Variants in ABCG8 observed in about 807,000 individuals in gnomAD.
The protein encoded by ABCG8 is ATP-binding cassette sub-family G member 8.
Under a neutral mutation model 71.3 loss-of-function variants are expected in ABCG8, and 81 were observed. The ratio of observed to expected loss-of-function variants is 1.14; its 90% CI spans 0.95 to 1.37. The LOEUF is 1.37. Among genes scored for constraint, ABCG8 ranks in the 40% most tolerant of loss-of-function variants. The pLI is 0.00. For missense variants in ABCG8, 1,119 were observed against 866.2 expected (o/e 1.29, Z -3.66); for synonymous variants, 451 against 354.7 (o/e 1.27, Z -3.05).
chr2:43,873,494 T>G (rs1347465235), intron 8 of ABCG8, among the ~76,000 whole-genome samples: 1 of 152,118 alleles, frequency 6.6e-6, no homozygotes, highest in Non-Finnish European at 1.5e-5. Flanking sequence ...GCCCAGCCTG[T>G]CCGTACATCT....
chr2:43,855,059 C>T (rs1171244098), intron 6 of ABCG8, among the ~76,000 whole-genome samples: 1 of 152,220 alleles, frequency 6.6e-6, no homozygotes, highest in Non-Finnish European at 1.5e-5. Flanking sequence ...CTGCTTTCGG[C>T]AGGGTGCCTG....
intron 1 of ABCG8, 103 bp from the exon 2 acceptor site, chr2:43,844,404 G>A (rs148820164): frequency 5.0e-5 from 44 of 883,280 alleles, no homozygotes; most frequent in African/African-American, 4.3e-4. Flanking sequence ...ATTTAACCAC[G>A]TCGGCTCTAA....
At chr2:43,860,058 T>G (rs961669760) in intron 6 of ABCG8, among the ~76,000 whole-genome samples, 4 of 150,226 alleles carry the variant, frequency 2.7e-5, no homozygotes, top group African/African-American at 9.8e-5. Flanking sequence ...TCTCACTATC[T>G]ATCTGGATAG....
chr2:43,859,795 C>T (rs569120724), intron 6 of ABCG8, among the ~76,000 whole-genome samples: 1 of 151,112 alleles, frequency 6.6e-6, no homozygotes, highest in African/African-American at 2.4e-5. Flanking sequence ...ATAAAACTCT[C>T]ACTATCCGTC....
At chr2:43,854,534 C>A (rs4076833) in intron 6 of ABCG8, among the ~76,000 whole-genome samples, 1 of 146,996 alleles carries the variant, frequency 6.8e-6, no homozygotes, top group African/African-American at 2.5e-5. Flanking sequence ...GGCTGAGGCA[C>A]GAGAATTGCT....
Position 43,875,183 on chromosome 2 carries a change from T to C in ABCG8, c.1526T>C (p.Ile509Thr). ...CTTCCGGAGCACTGTGCCTACATCATCATCTACGGGATGCCCACCTACTGG... is the reference window on the plus strand; with the variant it reads ...CTTCCGGAGCACTGTGCCTACATCACCATCTACGGGATGCCCACCTACTGG... ...GELPEHCAYIIIYGMPTYWLA... is the reference protein window; with the variant it reads ...GELPEHCAYITIYGMPTYWLA... Residue 509 changes from isoleucine to threonine, a missense_variant, in exon 11 of 13, where the codon ATC (isoleucine) becomes ACC (threonine). Transcript: ENST00000272286. 2 of 1,614,230 alleles carry C rather than the reference T, an allele frequency of 1.2e-6. No individual in the cohort carries two copies. The highest frequency in any genetic ancestry group is 1.7e-6 in the Non-Finnish European group (2 of 1,180,044).
At position 43,878,013 on chromosome 2, in the gene ABCG8, C is replaced by G; in HGVS notation, c.*100C>G. On this transcript the variant is annotated 3_prime_UTR_variant, in exon 13 of 13. Coordinates refer to ENST00000272286, the MANE Select transcript of ABCG8 (RefSeq NM_022437.3). ...TTCCTGGGGACAGTGAGGACAATGA[C>G]CCTACAGATGCTCAGCTACATCCGG... is the stretch of plus-strand genomic sequence containing the variant. 6.4e-7 allele frequency: 1 copy of G among 1,555,562 alleles called. No homozygotes were observed. The highest frequency in any genetic ancestry group is 8.8e-7 in the Non-Finnish European group (1 of 1,137,670).
chr2:43,842,891 C>T lies in ABCG8; in HGVS notation c.64-1616C>T, dbSNP rs113938094. Among the ~76,000 whole-genome samples the T allele has an allele frequency of 5.3e-3, 802 of 152,302 alleles. 8 individuals carry two copies. The highest frequency in any genetic ancestry group is 0.017 in the African/African-American group (714 of 41,572). On this transcript the variant is annotated intron_variant, in intron 1 of 12. Transcript: ENST00000272286. ...CTCCCAGAACTCTAAGGGTTCCCCA[C>T]AGCACGCCTGCGGCATACTGTCACC... is the stretch of plus-strand genomic sequence containing the variant.
At chr2:43,874,022 T>C in intron 9 of ABCG8, 36 bp downstream of exon 9, 1 of 1,608,058 alleles carries the variant, frequency 6.2e-7, no homozygotes, top group Non-Finnish European at 8.5e-7. Context: ...AGGCAGGACC[T>C]CAGCCACCTC....
intron 3 of ABCG8, 86 bp downstream of exon 3, chr2:43,846,397 C>T (rs1668744838): frequency 1.9e-6 from 3 of 1,578,032 alleles, no homozygotes; most frequent in African/African-American, 2.7e-5. Flanking sequence ...TCTTATGGAG[C>T]TCTTTGCTGA....
At chr2:43,870,541 C>G (rs1298131169) in intron 6 of ABCG8, among the ~76,000 whole-genome samples, 18 of 151,866 alleles carry the variant, frequency 1.2e-4, no homozygotes, top group Admixed American at 1.0e-3. Flanking sequence ...GGATAGAACT[C>G]TCACTATCTG....
At chr2:43,851,924 G>A (rs1354703569) in intron 4 of ABCG8, 102 bp downstream of exon 4, 12 of 1,339,726 alleles carry the variant, frequency 9.0e-6, no homozygotes, top group South Asian at 2.4e-5. Context: ...GCCGCAGGTC[G>A]AGTTTGAACA....
chr2:43,855,542 C>T (rs1352941762), intron 6 of ABCG8, among the ~76,000 whole-genome samples: 2 of 152,166 alleles, frequency 1.3e-5, no homozygotes, highest in Non-Finnish European at 2.9e-5. Flanking sequence ...AGAACTCTCG[C>T]TATCTTTGTG....
Position 43,862,140 on chromosome 2 carries a change from C to G in ABCG8, c.964+9272C>G, listed in dbSNP as rs72496672. Among the ~76,000 whole-genome samples, 88 of 151,478 alleles carry G rather than the reference C, an allele frequency of 5.8e-4. No homozygotes were observed. In the East Asian group the frequency reaches 0.017, roughly 29 times the overall value. The stretch of plus-strand genomic sequence containing the variant: ...GAACTCTTACTACCTGGAAAGAACT[C>G]TCAGTATCTGGCTAGATTTCTCACC... On this transcript the variant is annotated intron_variant, in intron 6 of 12. Transcript: ENST00000272286.
intron 9 of ABCG8, 99 bp downstream of exon 9, chr2:43,874,085 G>A: frequency 8.0e-7 from 1 of 1,247,098 alleles, no homozygotes; most frequent in Non-Finnish European, 1.2e-6. Context: ...CATTGTGATT[G>A]TGATATATAA....
intron 6 of ABCG8, among the ~76,000 whole-genome samples, chr2:43,869,683 C>A (rs529012526): frequency 1.3e-5 from 2 of 152,164 alleles, no homozygotes; most frequent in East Asian, 1.9e-4. Flanking sequence ...GGATAGAATT[C>A]TCCCTCTCTG....
chr2:43,875,314 C>T lies in ABCG8; in HGVS notation c.1657C>T (p.Leu553Phe), dbSNP rs1273558414. The T allele has an allele frequency of 1.9e-6, 3 of 1,614,164 alleles. No individual in the cohort carries two copies. Among genetic ancestry groups the T allele is most frequent in the Non-Finnish European group, 2.5e-6 (3 of 1,180,046 alleles). ...TATGGCCCTGGCCGCCGCGGCCCTG[C>T]TCCCCACCTTCCACATGGCCTCCTT... ...RIMALAAAAL[L>F]PTFHMASFFS... The change falls in exon 11 of 13, where the codon CTC (leucine) becomes TTC (phenylalanine). Residue 553 changes from leucine to phenylalanine, a missense_variant. Coordinates refer to ENST00000272286, the MANE Select transcript of ABCG8 (RefSeq NM_022437.3).
At chr2:43,852,312 G>T in intron 4 of ABCG8, 42 bp from the exon 5 acceptor site, 3 of 1,611,538 alleles carry the variant, frequency 1.9e-6, no homozygotes, top group Non-Finnish European at 2.5e-6. Flanking sequence ...CAGCCCTGAA[G>T]GAGGCCCCTG....
chr2:43,862,421 T>C (rs1457167978), intron 6 of ABCG8, among the ~76,000 whole-genome samples: 1 of 139,010 alleles, frequency 7.2e-6, no homozygotes, highest in Non-Finnish European at 1.6e-5. Context: ...GAGAGAATTA[T>C]CACCAACTGT....
Sources: gnomAD v4.1 joint callset for allele counts (sites outside exome capture counted in the v4.1 genomes callset) on GRCh38, gnomAD v4.1.1 for gene constraint, MANE v1.5 for transcripts, NCBI Gene and HGNC (gene_info 2026-07-23, HGNC 2026-07-21) for gene names.